The following FSD1 variants were observed in gnomAD, a reference collection of about 807,000 sequenced individuals.
FSD1 encodes fibronectin type III and SPRY domain-containing protein 1.
A neutral mutation model predicts 58.2 loss-of-function variants in FSD1; 23 were observed. That is an observed-to-expected ratio of 0.40 (90% CI 0.28 to 0.56). The LOEUF (loss-of-function observed/expected upper bound fraction) is 0.56, where lower values mean the gene tolerates loss of function less well. FSD1 is among the 20% of genes least tolerant of loss of function. The pLI is 0.54. For synonymous variants in FSD1, 265 were observed against 263.4 expected (o/e 1.01, Z -0.06); for missense variants, 563 against 670.8 (o/e 0.84, Z 1.78).
chr19:4,312,334 C>CA (rs2144760921), intron 7 of FSD1, among the ~76,000 whole-genome samples: 1 of 151,638 alleles, frequency 6.6e-6, no homozygotes, highest in South Asian at 2.1e-4. Flanking sequence ...ACTAAAAATA[C>CA]AAAAAAATTA....
chr19:4,304,620 G>T lies in FSD1; in HGVS notation c.-127G>T. ...TGCGCAATGCGCGCGGTGATGGAGC[G>T]CTAACCGGGGGCGCGGCGGCGGCGA... On this transcript the variant is annotated 5_prime_UTR_variant, in exon 1 of 13. Transcript: ENST00000221856. The T allele has an allele frequency of 2.0e-6, 1 of 494,674 alleles. No homozygotes were observed. Among genetic ancestry groups the T allele is most frequent in the East Asian group, 3.7e-5 (1 of 26,718 alleles). The allele number at this position is 494,674 out of a possible 1,614,324, so 30.6% of individuals were successfully genotyped here.
Position 4,311,959 on chromosome 19 carries a change from G to A in FSD1, c.608G>A (p.Arg203Gln), listed in dbSNP as rs1298919110. Residue 203 changes from arginine to glutamine, a missense_variant, in exon 7 of 13, where the codon CGG becomes CAG. By Grantham distance (43) the Arg-to-Gln change is conservative. Coordinates refer to ENST00000221856, the MANE Select transcript of FSD1 (RefSeq NM_024333.3). ...ATTGACCACTACGTGCTGGAGTACC[G>A]GCGGACCAACTTCGAGGGCCCGCCC... ...SKIDHYVLEY[R>Q]RTNFEGPPRL... 25 of 1,613,030 alleles carry A rather than the reference G, an allele frequency of 1.5e-5. No individual in the cohort carries two copies. The highest frequency in any genetic ancestry group is 4.5e-5 in the East Asian group (2 of 44,878).
chr19:4,308,583 C>T (rs974609615), intron 4 of FSD1, among the ~76,000 whole-genome samples: 2 of 151,632 alleles, frequency 1.3e-5, no homozygotes, highest in Admixed American at 6.6e-5. Context: ...ATTGGCCAGG[C>T]ACAGGGGCTC....
intron 10 of FSD1, among the ~76,000 whole-genome samples, chr19:4,319,981 G>A (rs1015311147): frequency 3.3e-5 from 5 of 152,132 alleles, no homozygotes; most frequent in African/African-American, 1.2e-4. Flanking sequence ...CCTGGATCTG[G>A]GGCCTGGGGA....
At chr19:4,313,038 T>TC (rs1971712214) in intron 7 of FSD1, among the ~76,000 whole-genome samples, 1 of 151,634 alleles carries the variant, frequency 6.6e-6, no homozygotes, top group South Asian at 2.1e-4. Flanking sequence ...TTTGGGGTCC[T>TC]CCTTGGCAGT....
chr19:4,308,670 A>G (rs535726298), intron 4 of FSD1, among the ~76,000 whole-genome samples: 12 of 152,208 alleles, frequency 7.9e-5, no homozygotes, highest in South Asian at 2.1e-4. Context: ...ATCCTAACAC[A>G]GTGAAACCCC....
intron 5 of FSD1, 83 bp from the exon 6 acceptor site, chr19:4,310,392 G>A (rs921556013): frequency 1.0e-5 from 16 of 1,604,368 alleles, no homozygotes; most frequent in African/African-American, 4.0e-5. Context: ...AGCCCTGGAC[G>A]GGAGCCCTGG....
Position 4,306,323 on chromosome 19 carries a change from G to A in FSD1, c.237G>A (p.Glu79=). 6.2e-7 allele frequency: 1 copy of A among 1,613,786 alleles called. No homozygotes were observed. The highest frequency in any genetic ancestry group is 8.5e-7 in the Non-Finnish European group (1 of 1,180,008). Residue 79 remains glutamate, a synonymous_variant, in exon 3 of 13, where the codon GAG becomes GAA. Coordinates refer to ENST00000221856, the MANE Select transcript of FSD1 (RefSeq NM_024333.3). The part of the protein sequence containing the change: ...IKQDRASRTY[E]LQNQLAACTR... ...AGGACCGTGCCAGCCGTACCTACGA[G>A]CTGCAGGTGAGGGCTGAGGGCATCT... is the stretch of plus-strand genomic sequence containing the variant.
intron 7 of FSD1, among the ~76,000 whole-genome samples, chr19:4,313,158 G>A (rs2084867382): frequency 6.7e-6 from 1 of 149,502 alleles, no homozygotes; most frequent in African/African-American, 2.5e-5. Flanking sequence ...GACCAGCTTG[G>A]GTAACAAAGC....
chr19:4,317,940 C>G (rs540849175), intron 8 of FSD1, among the ~76,000 whole-genome samples: 1 of 152,150 alleles, frequency 6.6e-6, no homozygotes, highest in African/African-American at 2.4e-5. Context: ...TCGCTTGAAC[C>G]CAGGAGGCGG....
intron 7 of FSD1, 38 bp from the exon 8 acceptor site, chr19:4,317,144 A>G (rs1274936988): frequency 8.9e-7 from 1 of 1,122,292 alleles, no homozygotes; most frequent in African/African-American, 1.5e-5. Flanking sequence ...GTCTCAGGGA[A>G]TAATACACAG....
In FSD1 at chr19:4,323,252, C is replaced by T. The variant is rs769495047; in HGVS notation, c.1291+15C>T. ...CTTCCACCAAGGTGACCCCAAGCCCCAGCTGCCGTCTCTGGCTGCCCCTGC... is the reference window on the plus strand; with the variant it reads ...CTTCCACCAAGGTGACCCCAAGCCCTAGCTGCCGTCTCTGGCTGCCCCTGC... On this transcript the variant is annotated intron_variant, in intron 11 of 12. Coordinates refer to ENST00000221856, the MANE Select transcript of FSD1 (RefSeq NM_024333.3). This position sits in a 1 kb window ranked among gnomAD's most constrained non-coding sequence, Gnocchi z 7.7. The T allele has an allele frequency of 1.2e-6, 2 of 1,605,408 alleles. No homozygotes were observed. Among genetic ancestry groups the T allele is most frequent in the Non-Finnish European group, 1.7e-6 (2 of 1,178,594 alleles).
At chr19:4,306,393 C>T (rs1971622797) in intron 3 of FSD1, 64 bp downstream of exon 3, 4 of 1,568,004 alleles carry the variant, frequency 2.6e-6, no homozygotes, top group Admixed American at 1.7e-5. Flanking sequence ...TAGCTGACCT[C>T]GGCACCTTCC....
chr19:4,321,576 G>A (rs537874018), intron 10 of FSD1, among the ~76,000 whole-genome samples: 5 of 151,890 alleles, frequency 3.3e-5, no homozygotes, highest in African/African-American at 9.7e-5. Context: ...TCCCCGAGGA[G>A]TATCTGGGAG....
At chr19:4,319,876 G>A (rs916717515) in intron 10 of FSD1, among the ~76,000 whole-genome samples, 1 of 152,238 alleles carries the variant, frequency 6.6e-6, no homozygotes, top group Non-Finnish European at 1.5e-5. Context: ...ATATAACAAA[G>A]ATCAGTTGTG....
chr19:4,317,000 G>T (rs981841962), intron 7 of FSD1, among the ~76,000 whole-genome samples, 182 bp from the exon 8 acceptor site: 1 of 152,044 alleles, frequency 6.6e-6, no homozygotes. Context: ...TGATCCATGC[G>T]CCTCGGCCTT....
intron 4 of FSD1, among the ~76,000 whole-genome samples, chr19:4,309,921 A>C (rs1040005382): frequency 2.2e-4 from 31 of 138,632 alleles, no homozygotes; most frequent in Non-Finnish European, 2.8e-4. Context: ...AAAAAAAAAA[A>C]CACAAAAAAT....
intron 10 of FSD1, 82 bp from the exon 11 acceptor site, chr19:4,322,903 TG>T: frequency 6.7e-7 from 1 of 1,490,876 alleles, no homozygotes; most frequent in Non-Finnish European, 9.0e-7. Flanking sequence ...AGGAGCACCT[TG>T]GGGGCTGGCC....
At chr19:4,310,713 G>C in intron 6 of FSD1, 117 bp downstream of exon 6, 1 of 1,222,480 alleles carries the variant, frequency 8.2e-7, no homozygotes, top group Non-Finnish European at 1.1e-6. Flanking sequence ...TTCCGCCTGG[G>C]GGAGGTGGAG....
Sources: gnomAD v4.1 joint callset for allele counts (sites outside exome capture counted in the v4.1 genomes callset) on GRCh38, gnomAD v4.1.1 for gene constraint, Gnocchi (gnomAD v3.1) non-coding constraint, MANE v1.5 for transcripts, NCBI Gene and HGNC (gene_info 2026-07-23, HGNC 2026-07-21) for gene names.